The following CSPP1 variants were observed in gnomAD, a reference collection of about 807,000 sequenced individuals.
CSPP1 encodes the protein centrosome and spindle pole associated protein 1.
In CSPP1, 126 loss-of-function variants were observed where a neutral mutation model predicts 164.4. The ratio of observed to expected loss-of-function variants is 0.77; its 90% CI spans 0.66 to 0.89. The LOEUF (loss-of-function observed/expected upper bound fraction) is 0.89. Among genes scored for constraint, CSPP1 ranks in the 40% least tolerant of loss-of-function variants. CSPP1 has a pLI of 0.00. For missense variants in CSPP1, 1,395 were observed against 1,449.8 expected, an observed-to-expected ratio of 0.96 and a Z score of 0.61; for synonymous variants, 472 against 476.7, an observed-to-expected ratio of 0.99 and a Z score of 0.13.
At chr8:67,191,602 T>C (rs1298863231) in intron 29 of CSPP1, among the ~76,000 whole-genome samples, 1 of 152,252 alleles carries the variant, frequency 6.6e-6, no homozygotes, top group Non-Finnish European at 1.5e-5. Context: ...GTGCCAGTAC[T>C]GAAGCCTCTT....
At chr8:67,151,755 T>G (rs1370098458) in intron 18 of CSPP1, among the ~76,000 whole-genome samples, 2 of 152,186 alleles carry the variant, frequency 1.3e-5, no homozygotes, top group South Asian at 2.1e-4. Flanking sequence ...TTCCTTTTTT[T>G]TGTGAATTGA....
At chr8:67,070,589 C>T (rs1222749982) in intron 1 of CSPP1, among the ~76,000 whole-genome samples, 1 of 151,564 alleles carries the variant, frequency 6.6e-6, no homozygotes, top group Admixed American at 6.6e-5. Context: ...GAACTATGAT[C>T]GTGCCACTGC....
At chr8:67,185,664 G>A (rs924437895) in intron 28 of CSPP1, among the ~76,000 whole-genome samples, 1 of 152,122 alleles carries the variant, frequency 6.6e-6, no homozygotes, top group Non-Finnish European at 1.5e-5. Context: ...AGTATATCTG[G>A]AAAGCAGTCT....
chr8:67,095,294 C>A lies in CSPP1; in HGVS notation c.485C>A (p.Pro162His). 1 of 1,553,532 alleles carries A rather than the reference C, an allele frequency of 6.4e-7. No individual in the cohort carries two copies. Among genetic ancestry groups the A allele is most frequent in the South Asian group, 1.2e-5 (1 of 80,646 alleles). The change falls in exon 7 of 31, where the codon CCC (proline) becomes CAC (histidine). Residue 162 changes from proline to histidine, a missense_variant and splice_region_variant. Physicochemically the swap from Pro to His is moderately conservative, Grantham distance 77 (BLOSUM62 -2). Coordinates refer to ENST00000678616, the MANE Select transcript of CSPP1 (RefSeq NM_001382391.1). ...CTTTTTTCTTTTTTAATTGAACAGC[C>A]CAAGAGTCAGAGAAATAAAAAACCT... ...KFRQVEKSTE[P>H]KSQRNKKPIG...
intron 7 of CSPP1, among the ~76,000 whole-genome samples, chr8:67,097,688 CTTTGTTTT>C (rs934072235): frequency 1.3e-5 from 2 of 151,004 alleles, no homozygotes; most frequent in African/African-American, 4.9e-5. Flanking sequence ...ATGGTTGCTT[CTTTGTTTT>C]TTTTTAATCT....
In CSPP1 at chr8:67,143,135, A is replaced by C. The variant is rs538389166; in HGVS notation, c.1975+5532A>C. Among the ~76,000 whole-genome samples, 3 of 152,010 alleles carry C rather than the reference A, an allele frequency of 2.0e-5. No individual in the cohort carries two copies. The South Asian group carries it at 6.2e-4, about 32-fold the overall frequency. ...GCTCTGGTCCAGGATCCTATAATGC[A>C]TTTAGTTCATGTCTCTTTAGTCTCC... On this transcript the variant is annotated intron_variant, in intron 17 of 30. Transcript: ENST00000678616.
intron 1 of CSPP1, among the ~76,000 whole-genome samples, chr8:67,068,480 T>C (rs1806050163): frequency 6.6e-6 from 1 of 152,206 alleles, no homozygotes; most frequent in Non-Finnish European, 1.5e-5. Context: ...ATATAAATAA[T>C]CTCATTTAGG....
intron 15 of CSPP1, among the ~76,000 whole-genome samples, chr8:67,126,567 C>A (rs1820113595): frequency 6.6e-6 from 1 of 152,166 alleles, no homozygotes; most frequent in Non-Finnish European, 1.5e-5. Context: ...CTGGGGCATG[C>A]GTTCAGTACC....
chr8:67,100,411 A>C (rs1334688019), intron 7 of CSPP1, among the ~76,000 whole-genome samples: 2 of 152,180 alleles, frequency 1.3e-5, no homozygotes, highest in Non-Finnish European at 2.9e-5. Flanking sequence ...TATAAAGATA[A>C]GCTAGAATTA....
At chr8:67,123,581 C>T (rs1345080873) in intron 15 of CSPP1, among the ~76,000 whole-genome samples, 2 of 150,674 alleles carry the variant, frequency 1.3e-5, no homozygotes, top group African/African-American at 2.4e-5. Context: ...TTCCTCTAAT[C>T]CTCCTTTATT....
intron 24 of CSPP1, among the ~76,000 whole-genome samples, chr8:67,165,668 AG>A (rs1213431989): frequency 6.6e-6 from 1 of 152,210 alleles, no homozygotes; most frequent in Non-Finnish European, 1.5e-5. Flanking sequence ...ACTGGGATTA[AG>A]GGTTTCTGGA....
chr8:67,117,131 A>G (rs1299167812), intron 13 of CSPP1, among the ~76,000 whole-genome samples: 2 of 152,104 alleles, frequency 1.3e-5, no homozygotes, highest in African/African-American at 2.4e-5. Context: ...TATTTTTTTC[A>G]TGTTTACAAT....
chr8:67,133,528 T>TA (rs1281086622), intron 16 of CSPP1: 1 of 152,246 alleles, frequency 6.6e-6, no homozygotes, highest in Non-Finnish European at 1.5e-5. Context: ...ACTGTATTGC[T>TA]AAAAAAATTT....
In CSPP1 at chr8:67,196,372, T is replaced by C. The variant is rs1243232302; in HGVS notation, c.*779T>C. ...AGACTGGAGTCTTCTTCTTCCACCA[T>C]GGAACCTTGGATAAGTGAGTCCATG... On this transcript the variant is annotated 3_prime_UTR_variant, in exon 31 of 31. Coordinates refer to ENST00000678616, the MANE Select transcript of CSPP1 (RefSeq NM_001382391.1). 4 of 152,222 alleles carry C rather than the reference T, an allele frequency of 2.6e-5. No individual in the cohort carries two copies. Among genetic ancestry groups the C allele is most frequent in the Non-Finnish European group, 5.9e-5 (4 of 68,038 alleles). 9.4% of individuals were successfully genotyped at this position (152,222 alleles called of 1,614,324 possible).
intron 15 of CSPP1, among the ~76,000 whole-genome samples, chr8:67,125,974 AG>A (rs1819976936): frequency 6.6e-6 from 1 of 152,160 alleles, no homozygotes; most frequent in Admixed American, 6.5e-5. Context: ...CTGGGATTAC[AG>A]GCATGCGCCA....
Position 67,137,547 on chromosome 8 carries a change from C to A in CSPP1, c.1919C>A (p.Pro640His). 1.3e-6 allele frequency: 2 copies of A among 1,591,706 alleles called. No individual in the cohort carries two copies. The highest frequency in any genetic ancestry group is 1.2e-5 in the South Asian group (1 of 86,854). Residue 640 changes from proline to histidine, a missense_variant, in exon 17 of 31, where the codon CCC becomes CAC. By Grantham distance (77) the Pro-to-His change is moderately conservative (BLOSUM62 -2). Coordinates refer to ENST00000678616, the MANE Select transcript of CSPP1 (RefSeq NM_001382391.1). Reference protein sequence around the residue: ...KLEAEMRTYNPWGKGGGGAPL... With the variant: ...KLEAEMRTYNHWGKGGGGAPL... ...GAAGCTGAAATGAGAACATATAATC[C>A]CTGGGGAAAAGGTGGAGGTGGTGCT... is the stretch of plus-strand genomic sequence containing the variant.
chr8:67,123,869 G>C (rs1363761371), intron 15 of CSPP1, among the ~76,000 whole-genome samples: 1 of 150,598 alleles, frequency 6.6e-6, no homozygotes, highest in East Asian at 2.0e-4. Flanking sequence ...CCCACAAAGT[G>C]CTGGGATTAC....
In CSPP1 at chr8:67,190,410, G is replaced by A. The variant is rs759393742; in HGVS notation, c.3221-240G>A. ...TGTTTGCCCGGGGCCAGCAGGTGGG[G>A]AGTGATTGCCAGTGTGCACAAAGGA... On this transcript the variant is annotated intron_variant, in intron 28 of 30. Coordinates refer to ENST00000678616, the MANE Select transcript of CSPP1 (RefSeq NM_001382391.1). Among the ~76,000 whole-genome samples the A allele has an allele frequency of 9.9e-4, 151 of 152,154 alleles. 1 individual carries two copies. Among genetic ancestry groups the A allele is most frequent in the South Asian group, 1.0e-3 (5 of 4,820 alleles).
At chr8:67,100,615 T>C (rs1813855417) in intron 7 of CSPP1, among the ~76,000 whole-genome samples, 2 of 151,196 alleles carry the variant, frequency 1.3e-5, no homozygotes, top group South Asian at 4.1e-4. Context: ...GGTCTTACTC[T>C]GTTGCTCAGG....
Sources: allele counts gnomAD v4.1 joint callset (sites outside exome capture counted in the v4.1 genomes callset), GRCh38; gene constraint gnomAD v4.1.1; transcripts MANE v1.5; gene names NCBI Gene and HGNC (gene_info 2026-07-23, HGNC 2026-07-21).